Variants in KIAA1217 observed in about 807,000 individuals in gnomAD.
KIAA1217 encodes the protein KIAA1217, also known as sickle tail protein homolog.
In KIAA1217, 88 loss-of-function variants were observed where a neutral mutation model predicts 163.9. That is an observed-to-expected ratio of 0.54 (90% CI 0.45 to 0.64). KIAA1217 has a LOEUF of 0.64. Ranked by LOEUF, KIAA1217 falls within the 30% of genes least tolerant of loss-of-function variation. The probability of loss-of-function intolerance (pLI) is 0.00; values close to 1 mark genes in which losing one functional copy is unlikely to be tolerated. For missense variants in KIAA1217, 2,372 were observed against 2,475.0 expected, an observed-to-expected ratio of 0.96 and a Z score of 0.88; for synonymous variants, 903 against 923.1, an observed-to-expected ratio of 0.98 and a Z score of 0.39.
intron 2 of KIAA1217, among the ~76,000 whole-genome samples, chr10:24,060,402 T>C (rs1398964227): frequency 2.6e-5 from 4 of 152,174 alleles, no homozygotes; most frequent in African/African-American, 9.7e-5. Flanking sequence ...CAAAAGCATG[T>C]AGTTTAATTT....
At chr10:24,367,054 T>C in intron 2 of KIAA1217, 1 of 580,230 alleles carries the variant, frequency 1.7e-6, no homozygotes, top group Non-Finnish European at 2.2e-6. Flanking sequence ...CAACCTATTC[T>C]TTTTCTCTTC....
intron 6 of KIAA1217, among the ~76,000 whole-genome samples, chr10:24,493,520 C>T (rs1268102691): frequency 6.6e-6 from 1 of 152,188 alleles, no homozygotes. Context: ...TTCTGCGAAA[C>T]GTCCATTGTC....
At position 23,741,558 on chromosome 10, in the gene KIAA1217, T is replaced by C. The variant is rs940969501; in HGVS notation, c.-321+46324T>C. On this transcript the variant is annotated intron_variant, in intron 1 of 18. Transcript: ENST00000376462. ...AGGTCCTTATTTCACTAACCCCCCT[T>C]TTCAGCATCTCAGAGATGACATCAG... 3.9e-5 allele frequency among the ~76,000 whole-genome samples: 6 copies of C among 152,296 alleles called. No homozygotes were observed. The South Asian group carries it at 1.0e-3, about 26-fold the overall frequency.
At chr10:24,249,877 T>C (rs936485717) in intron 2 of KIAA1217, among the ~76,000 whole-genome samples, 24 of 152,202 alleles carry the variant, frequency 1.6e-4, no homozygotes, top group African/African-American at 5.5e-4. Flanking sequence ...CTGAGATCTC[T>C]AAGGTGTGCG....
intron 17 of KIAA1217, among the ~76,000 whole-genome samples, chr10:24,538,816 C>A (rs571869945): frequency 2.8e-5 from 4 of 143,338 alleles, no homozygotes; most frequent in South Asian, 4.5e-4. Flanking sequence ...CTCACTGCAA[C>A]CTCCGCCTCC....
At chr10:24,202,363 G>T (rs185675972) in intron 2 of KIAA1217, among the ~76,000 whole-genome samples, 1 of 152,126 alleles carries the variant, frequency 6.6e-6, no homozygotes, top group Non-Finnish European at 1.5e-5. Context: ...CCAAAGGTAG[G>T]GGGAGAGGAG....
chr10:24,239,697 T>G lies in KIAA1217; in HGVS notation c.354+19788T>G, dbSNP rs76119567. Among the ~76,000 whole-genome samples, 765 of 81,054 alleles carry G rather than the reference T, an allele frequency of 9.4e-3. 6 individuals carry two copies. The highest frequency in any genetic ancestry group is 0.022 in the African/African-American group (586 of 26,460). 53.2% of individuals were successfully genotyped at this position (81,054 alleles called of 152,430 possible). A position where few individuals can be genotyped will look rare whatever the true frequency, so the allele number is the denominator to read the frequency against. On this transcript the variant is annotated intron_variant, in intron 2 of 20. Coordinates refer to ENST00000376454, the MANE Select transcript of KIAA1217 (RefSeq NM_019590.5). ...GATGTGTGTGTGTGTGTGTGTGTGTTTGTGTGTGTGTGTGTGTGTGTTCTT... is the reference window on the plus strand; with the variant it reads ...GATGTGTGTGTGTGTGTGTGTGTGTGTGTGTGTGTGTGTGTGTGTGTTCTT...
At chr10:24,422,876 C>T (rs1375940670) in intron 3 of KIAA1217, among the ~76,000 whole-genome samples, 1 of 148,210 alleles carries the variant, frequency 6.7e-6, no homozygotes, top group Non-Finnish European at 1.5e-5. Context: ...AAGACACTCT[C>T]TCATATTACT....
intron 1 of KIAA1217, among the ~76,000 whole-genome samples, chr10:23,836,170 C>T (rs905972573): frequency 6.6e-6 from 1 of 152,064 alleles, no homozygotes; most frequent in Non-Finnish European, 1.5e-5. Flanking sequence ...TCAGTCTGTG[C>T]CTTTTTGTTT....
rs73604442 is a variant in KIAA1217 at position 24,001,143 on chromosome 10, C to T, written c.-320-6082C>T. Among the ~76,000 whole-genome samples, 1,442 of 152,162 alleles carry T rather than the reference C, an allele frequency of 9.5e-3. 26 individuals are homozygous for T. The highest frequency in any genetic ancestry group is 0.033 in the African/African-American group (1,376 of 41,512). ...AGTATATTTTAATTGAAATGTTGCT[C>T]TACTTATAATTTAACTAATATGGCT... On this transcript the variant is annotated intron_variant, in intron 1 of 18. Transcript: ENST00000376462.
chr10:24,314,708 G>A (rs919521508), intron 2 of KIAA1217, among the ~76,000 whole-genome samples: 14 of 152,048 alleles, frequency 9.2e-5, no homozygotes, highest in African/African-American at 2.7e-4. Flanking sequence ...TTGGGAGGCC[G>A]AGGCAGGAGG....
chr10:24,239,181 C>G (rs2072701679), intron 2 of KIAA1217: 2 of 985,188 alleles, frequency 2.0e-6, no homozygotes, highest in African/African-American at 3.5e-5. Context: ...GAGAGTTTCA[C>G]TGGGAAAAAC....
chr10:24,022,642 A>G (rs939286429), intron 2 of KIAA1217, among the ~76,000 whole-genome samples: 1 of 151,736 alleles, frequency 6.6e-6, no homozygotes, highest in African/African-American at 2.4e-5. Context: ...ACTTATGTCT[A>G]CACAAACACC....
chr10:23,945,559 A>G (rs1843992497), intron 1 of KIAA1217, among the ~76,000 whole-genome samples: 1 of 152,170 alleles, frequency 6.6e-6, no homozygotes, highest in South Asian at 2.1e-4. Flanking sequence ...AAGTGTATAC[A>G]TTTATCAAAA....
chr10:24,502,430 T>C (rs1313822459), intron 9 of KIAA1217, among the ~76,000 whole-genome samples: 2 of 152,126 alleles, frequency 1.3e-5, no homozygotes, highest in Non-Finnish European at 2.9e-5. Flanking sequence ...TTAAGGAATA[T>C]ATAAACTCTA....
chr10:23,813,151 C>T (rs1375282211), intron 1 of KIAA1217, among the ~76,000 whole-genome samples: 2 of 152,134 alleles, frequency 1.3e-5, no homozygotes. Context: ...TAAGTGCTAT[C>T]TCCTTGTGGT....
At chr10:24,142,458 A>G (rs1426322699) in intron 2 of KIAA1217, among the ~76,000 whole-genome samples, 2 of 152,136 alleles carry the variant, frequency 1.3e-5, no homozygotes, top group African/African-American at 4.8e-5. Flanking sequence ...GAAAGATGAG[A>G]AGAGAATAGC....
chr10:23,719,799 T>C (rs1000106263), intron 1 of KIAA1217, among the ~76,000 whole-genome samples: 6 of 150,790 alleles, frequency 4.0e-5, no homozygotes, highest in Non-Finnish European at 4.4e-5. Flanking sequence ...ATGCCTGTAG[T>C]CCCAGCTACT....
chr10:24,038,491 G>T (rs1034272242), intron 2 of KIAA1217, among the ~76,000 whole-genome samples: 1 of 152,168 alleles, frequency 6.6e-6, no homozygotes, highest in Non-Finnish European at 1.5e-5. Context: ...TTCTCGGGCA[G>T]GTTCCCCAGT....
Sources: allele counts gnomAD v4.1 joint callset (sites outside exome capture counted in the v4.1 genomes callset), GRCh38; gene constraint gnomAD v4.1.1; transcripts MANE v1.5; gene names NCBI Gene and HGNC (gene_info 2026-07-23, HGNC 2026-07-21).